The following GSE1 variants were observed in gnomAD, a reference collection of about 807,000 sequenced individuals.
GSE1 encodes genetic suppressor element 1.
In GSE1, 32 loss-of-function variants were observed where a neutral mutation model predicts 112.6. The observed-to-expected ratio is 0.28, with a 90% confidence interval of 0.21 to 0.38. The LOEUF (loss-of-function observed/expected upper bound fraction) is 0.38. Ranked by LOEUF, GSE1 falls within the 10% of genes least tolerant of loss-of-function variation. The pLI is 1.00. For missense variants in GSE1, 2,348 were observed against 1,699.2 expected (o/e 1.38, Z -6.71); for synonymous variants, 1,115 against 735.6 (o/e 1.52, Z -8.35).
intron 1 of GSE1, among the ~76,000 whole-genome samples, chr16:85,331,705 ATATTT>A (rs1425853657): frequency 0.2 from 10,462 of 51,862 alleles, 843 homozygotes; most frequent in East Asian, 0.37. Flanking sequence ...ATATATATAT[ATATTT>A]TTTTTTTTTT....
intron 1 of GSE1, among the ~76,000 whole-genome samples, chr16:85,234,411 T>C (rs1439056711): frequency 2.0e-5 from 3 of 152,178 alleles, no homozygotes; most frequent in African/African-American, 2.4e-5. Context: ...AAGGAGTGAG[T>C]GAGCACAGGG....
intron 1 of GSE1, among the ~76,000 whole-genome samples, chr16:85,255,636 C>T (rs1041843557): frequency 1.3e-5 from 2 of 152,142 alleles, no homozygotes; most frequent in African/African-American, 2.4e-5. Flanking sequence ...AACTCCTGAC[C>T]TCGTGATCTG....
rs147238298 is a variant in GSE1 at position 85,356,251 on chromosome 16, G to A, written c.2284-1212G>A. Among the ~76,000 whole-genome samples the A allele has an allele frequency of 5.2e-3, 787 of 152,330 alleles. 4 individuals carry two copies. Among genetic ancestry groups the A allele is most frequent in the Middle Eastern group, 0.014 (4 of 294 alleles). On this transcript the variant is annotated intron_variant, in intron 1 of 2. Transcript: ENST00000637419. ...CGTCATGGTAGTTCTTGCTCGCCTC[G>A]GGACCAGTGAGCCCAGGTGCACGCA...
Position 85,673,138 on chromosome 16 carries a change from T to C in GSE1, c.*599T>C, listed in dbSNP as rs2053475836. Reference sequence around the variant, plus strand: ...CCCAAAGGCTTTTCCCTGGAAAAGCTCTTTCTTACCTAAAGATAAAACCAA... The same window carrying C: ...CCCAAAGGCTTTTCCCTGGAAAAGCCCTTTCTTACCTAAAGATAAAACCAA... On this transcript the variant is annotated 3_prime_UTR_variant, in exon 16 of 16. Coordinates refer to ENST00000253458, the MANE Select transcript of GSE1 (RefSeq NM_014615.5). 6.6e-6 allele frequency: 1 copy of C among 152,424 alleles called. No individual in the cohort carries two copies. Among genetic ancestry groups the C allele is most frequent in the Non-Finnish European group, 1.5e-5 (1 of 68,040 alleles). 9.4% of individuals were successfully genotyped at this position (152,424 alleles called of 1,614,324 possible). A position where few individuals can be genotyped will look rare whatever the true frequency, so the allele number is the denominator to read the frequency against.
chr16:85,658,703 C>A (rs1377809177), intron 8 of GSE1, among the ~76,000 whole-genome samples: 1 of 152,210 alleles, frequency 6.6e-6, no homozygotes, highest in African/African-American at 2.4e-5. Flanking sequence ...TCCCTGAGGC[C>A]TCTCAGGCTC....
At chr16:85,391,579 CTT>C (rs2047839701) in intron 2 of GSE1, among the ~76,000 whole-genome samples, 1 of 152,196 alleles carries the variant, frequency 6.6e-6, no homozygotes, top group Non-Finnish European at 1.5e-5. Flanking sequence ...ACGTGGCCGC[CTT>C]TCCTCTGTGT....
chr16:85,516,002 G>A (rs1462393412), intron 2 of GSE1, among the ~76,000 whole-genome samples: 2 of 152,186 alleles, frequency 1.3e-5, no homozygotes, highest in Non-Finnish European at 2.9e-5. Flanking sequence ...GATGGCAGGA[G>A]GAGGAATAAA....
At chr16:85,283,272 C>A (rs1222072824) in intron 1 of GSE1, 1 of 152,936 alleles carries the variant, frequency 6.5e-6, no homozygotes, top group Non-Finnish European at 1.5e-5. Context: ...CTCGCTGCGT[C>A]CTAACCAAAT....
chr16:85,344,833 G>A (rs1261954699), intron 1 of GSE1, among the ~76,000 whole-genome samples: 4 of 152,330 alleles, frequency 2.6e-5, no homozygotes, highest in Middle Eastern at 3.4e-3. Flanking sequence ...GGGAGGAGCC[G>A]GTGGTGTAGA....
intron 2 of GSE1, among the ~76,000 whole-genome samples, chr16:85,500,768 C>A (rs1388973354): frequency 6.6e-6 from 1 of 152,164 alleles, no homozygotes; most frequent in African/African-American, 2.4e-5. Context: ...GAAATGTATT[C>A]TCTTATGTCA....
At chr16:85,232,034 A>G (rs2143844764) in intron 1 of GSE1, among the ~76,000 whole-genome samples, 1 of 152,322 alleles carries the variant, frequency 6.6e-6, no homozygotes, top group East Asian at 1.9e-4. Flanking sequence ...ACCTGGGCCA[A>G]GCCAGGCTCA....
intron 2 of GSE1, among the ~76,000 whole-genome samples, chr16:85,366,724 A>G (rs1277637184): frequency 6.6e-6 from 1 of 152,218 alleles, no homozygotes; most frequent in African/African-American, 2.4e-5. Flanking sequence ...TGACTGGTTT[A>G]GATTTGTATG....
intron 2 of GSE1, among the ~76,000 whole-genome samples, chr16:85,546,658 C>T (rs2044712553): frequency 6.6e-6 from 1 of 152,238 alleles, no homozygotes; most frequent in African/African-American, 2.4e-5. Flanking sequence ...GAGGCTCGCA[C>T]AGGCAGCTCT....
intron 2 of GSE1, among the ~76,000 whole-genome samples, chr16:85,441,367 G>C (rs577422757): frequency 1.6e-3 from 246 of 152,276 alleles, no homozygotes; most frequent in African/African-American, 5.7e-3. Flanking sequence ...ACAAAACAGG[G>C]GACGTGGTCT....
At chr16:85,259,672 G>A (rs1907463337) in intron 1 of GSE1, among the ~76,000 whole-genome samples, 1 of 152,164 alleles carries the variant, frequency 6.6e-6, no homozygotes, top group Non-Finnish European at 1.5e-5. Flanking sequence ...GAGGAGAGGG[G>A]AATTGAGAGC....
Position 85,675,341 on chromosome 16 carries a change from T to C in GSE1, c.*2802T>C, listed in dbSNP as rs983951792. The C allele has an allele frequency of 2.6e-5, 4 of 152,186 alleles. No individual in the cohort carries two copies. The highest frequency in any genetic ancestry group is 4.1e-4 in the South Asian group (2 of 4,828). The allele number at this position is 152,186 out of a possible 1,614,324, so 9.4% of individuals were successfully genotyped here. A position where few individuals can be genotyped will look rare whatever the true frequency, so the allele number is the denominator to read the frequency against. On this transcript the variant is annotated 3_prime_UTR_variant, in exon 16 of 16. Coordinates refer to ENST00000253458, the MANE Select transcript of GSE1 (RefSeq NM_014615.5). ...AGGGATACCTTCCAATAGTAAATTATCTGGTTCCTCACTGAAACAAGTTAT... is the reference window on the plus strand; with the variant it reads ...AGGGATACCTTCCAATAGTAAATTACCTGGTTCCTCACTGAAACAAGTTAT...
At chr16:85,233,303 G>A (rs1282742262) in intron 1 of GSE1, among the ~76,000 whole-genome samples, 2 of 152,342 alleles carry the variant, frequency 1.3e-5, no homozygotes, top group East Asian at 1.9e-4. Flanking sequence ...AGGTGTTTGC[G>A]TGGGGTGAAC....
intron 1 of GSE1, among the ~76,000 whole-genome samples, chr16:85,329,193 C>A (rs2046288097): frequency 6.6e-6 from 1 of 152,218 alleles, no homozygotes; most frequent in Admixed American, 6.5e-5. Context: ...CAGCATCGCC[C>A]TTTAGGAGCT....
intron 1 of GSE1, among the ~76,000 whole-genome samples, chr16:85,561,359 T>A (rs2045513249): frequency 6.6e-6 from 1 of 152,134 alleles, no homozygotes; most frequent in Non-Finnish European, 1.5e-5. Context: ...CCCTGCTTCA[T>A]AAATATTTGT....
Sources: allele counts gnomAD v4.1 joint callset (sites outside exome capture counted in the v4.1 genomes callset), GRCh38; gene constraint gnomAD v4.1.1; transcripts MANE v1.5; gene names NCBI Gene and HGNC (gene_info 2026-07-23, HGNC 2026-07-21).